CAST: variants seen among roughly 807,000 people sequenced by gnomAD.
The protein encoded by CAST is MIR583 host.
CAST carries 76 observed loss-of-function variants against 119.6 expected under a neutral mutation model. The ratio of observed to expected loss-of-function variants is 0.64; its 90% CI spans 0.53 to 0.77. The LOEUF is 0.77. Ranked by LOEUF, CAST falls within the 30% of genes least tolerant of loss-of-function variation. The pLI, the probability that CAST is intolerant of heterozygous loss-of-function variation, is 0.00. For missense variants in CAST, 953 were observed against 946.5 expected, an observed-to-expected ratio of 1.01 and a Z score of -0.09; for synonymous variants, 319 against 331.6, an observed-to-expected ratio of 0.96 and a Z score of 0.41.
chr5:96,234,529 C>T, the CAST span, among the ~76,000 whole-genome samples: 1 of 152,248 alleles, frequency 6.6e-6, no homozygotes, highest in Admixed American at 6.5e-5. Flanking sequence ...GGACAGGCCA[C>T]AGTTGGGGCA....
chr5:96,465,035 T>C, the CAST span, among the ~76,000 whole-genome samples: 1 of 152,126 alleles, frequency 6.6e-6, no homozygotes, highest in Non-Finnish European at 1.5e-5. Context: ...AGTCTTCTAA[T>C]CTGTGAACAC....
chr5:96,225,757 A>G, the CAST span, among the ~76,000 whole-genome samples: 1 of 152,212 alleles, frequency 6.6e-6, no homozygotes, highest in Non-Finnish European at 1.5e-5. Context: ...TTACTCAAAG[A>G]TAGACACATA....
At chr5:96,215,008 G>C in the CAST span, 4 of 152,114 alleles carry the variant, frequency 2.6e-5, no homozygotes, top group Non-Finnish European at 5.9e-5. Flanking sequence ...AGTAGCCACT[G>C]TAAGAACTGT....
chr5:96,320,081 A>G, the CAST span, among the ~76,000 whole-genome samples: 1 of 151,766 alleles, frequency 6.6e-6, no homozygotes, highest in African/African-American at 2.4e-5. Flanking sequence ...CTGAAAAACA[A>G]ATGTTTCTGG....
intron 1 of CAST, among the ~76,000 whole-genome samples, chr5:96,647,707 C>T (rs1454457083): frequency 6.6e-5 from 10 of 151,994 alleles, no homozygotes; most frequent in Non-Finnish European, 1.2e-4. Flanking sequence ...GGGAGAACAC[C>T]GTGTGAGAGT....
chr5:95,976,954 G>A, the CAST span, among the ~76,000 whole-genome samples: 1 of 152,082 alleles, frequency 6.6e-6, no homozygotes, highest in Non-Finnish European at 1.5e-5. Context: ...ATGACTTTGG[G>A]CAAGTTATTT....
the CAST span, among the ~76,000 whole-genome samples, chr5:96,143,584 C>A: frequency 6.6e-6 from 1 of 152,174 alleles, no homozygotes; most frequent in South Asian, 2.1e-4. Flanking sequence ...TCCCCAGCTG[C>A]CTGCTAGATA....
chr5:96,758,051 G>A (rs764073132), intron 24 of CAST, among the ~76,000 whole-genome samples: 3 of 151,988 alleles, frequency 2.0e-5, no homozygotes, highest in Non-Finnish European at 2.9e-5. Flanking sequence ...TCTGACTTGG[G>A]AACTCAGGAA....
At chr5:96,400,049 T>A in the CAST span, 1 of 1,614,214 alleles carries the variant, frequency 6.2e-7, no homozygotes, top group Non-Finnish European at 8.5e-7. Context: ...AGCTTTGGCA[T>A]TTAGCAAGCC....
chr5:96,218,311 C>A, the CAST span, among the ~76,000 whole-genome samples: 1 of 152,086 alleles, frequency 6.6e-6, no homozygotes, highest in Non-Finnish European at 1.5e-5. Context: ...GGAAGGAGAT[C>A]ATAATGAAGC....
intron 1 of CAST, among the ~76,000 whole-genome samples, chr5:96,604,742 G>A (rs1747220461): frequency 6.6e-6 from 1 of 152,244 alleles, no homozygotes; most frequent in South Asian, 2.1e-4. Flanking sequence ...ACAGAAGCCA[G>A]AATGTAGACT....
chr5:96,167,916 G>A, the CAST span, among the ~76,000 whole-genome samples: 1 of 152,200 alleles, frequency 6.6e-6, no homozygotes, highest in Non-Finnish European at 1.5e-5. Flanking sequence ...CAATCCCTGA[G>A]GAGTAGTAGA....
intron 1 of CAST, among the ~76,000 whole-genome samples, chr5:96,588,321 C>A (rs1746896904): frequency 1.3e-5 from 2 of 149,988 alleles, no homozygotes; most frequent in Admixed American, 6.7e-5. Flanking sequence ...CCTGCCTCAG[C>A]CTCCCGAGTA....
the CAST span, among the ~76,000 whole-genome samples, chr5:95,980,118 A>AAAAC: frequency 3.4e-4 from 52 of 152,130 alleles, no homozygotes; most frequent in Admixed American, 9.8e-4. Context: ...ACTCCATCTC[A>AAAAC]AAACAAACAA....
At chr5:96,615,305 C>T (rs1340893536) in intron 1 of CAST, among the ~76,000 whole-genome samples, 3 of 152,166 alleles carry the variant, frequency 2.0e-5, no homozygotes, top group South Asian at 2.1e-4. Flanking sequence ...TTTATCCCAT[C>T]GTAAGCCAAA....
At chr5:96,237,072 T>C in the CAST span, among the ~76,000 whole-genome samples, 1 of 152,212 alleles carries the variant, frequency 6.6e-6, no homozygotes, top group Non-Finnish European at 1.5e-5. Context: ...GAAACCCAGA[T>C]TCTTCTGGTA....
the CAST span, among the ~76,000 whole-genome samples, chr5:96,500,861 G>A: frequency 1.5e-4 from 23 of 152,178 alleles, no homozygotes; most frequent in African/African-American, 5.5e-4. Context: ...GGAAATAGAT[G>A]ATGGAAAAGA....
intron 3 of CAST, among the ~76,000 whole-genome samples, chr5:96,720,960 A>G (rs771339503): frequency 2.6e-5 from 4 of 152,220 alleles, no homozygotes; most frequent in Non-Finnish European, 4.4e-5. Context: ...GTTTGAATGG[A>G]AATCTGTATA....
the CAST span, among the ~76,000 whole-genome samples, chr5:96,416,993 T>C: frequency 6.6e-6 from 1 of 152,220 alleles, no homozygotes; most frequent in Admixed American, 6.5e-5. Flanking sequence ...TTCGTGATTT[T>C]ATTCTATTGT....
Sources: allele counts gnomAD v4.1 joint callset (sites outside exome capture counted in the v4.1 genomes callset), GRCh38; gene constraint gnomAD v4.1.1; transcripts MANE v1.5; gene names NCBI Gene and HGNC (gene_info 2026-07-23, HGNC 2026-07-21).